Variants in CYP1A2 observed in about 807,000 individuals in gnomAD.
CYP1A2 encodes the protein cytochrome P450 1A2.
In CYP1A2, 35 loss-of-function variants were observed where a neutral mutation model predicts 34.7. That is an observed-to-expected ratio of 1.01 (90% CI 0.77 to 1.34). CYP1A2 has a LOEUF of 1.34. Among genes scored for constraint, CYP1A2 ranks in the 40% most tolerant of loss-of-function variants. The pLI is 0.00. For synonymous variants in CYP1A2, 288 were observed against 281.9 expected (o/e 1.02, Z -0.22); for missense variants, 675 against 675.8 (o/e 1.00, Z 0.01).
rs1298989086 is a variant in CYP1A2, at chr15:74,750,387, CT to C, written c.650del (p.Leu217ProfsTer4). ...QHFPESSDEM[L>X]SLVKNTHEFV... ...CTTCCCTGAGAGTAGCGATGAGATG[CT>C]CAGCCTCGTGAAGAACACTCATGAG... On this transcript the variant is annotated frameshift_variant, in exon 2 of 7. Transcript: ENST00000343932. LOFTEE classifies it high-confidence loss of function. 1.2e-6 allele frequency: 2 copies of C among 1,614,068 alleles called. No individual in the cohort carries two copies. Among genetic ancestry groups the C allele is most frequent in the African/African-American group, 2.7e-5 (2 of 74,918 alleles).
intron 5 of CYP1A2, among the ~76,000 whole-genome samples, chr15:74,752,870 CTTTTTTTTTTTTT>C (rs4646426): frequency 2.1e-5 from 2 of 96,200 alleles, no homozygotes; most frequent in East Asian, 2.7e-4. Context: ...CTGCCTGCTG[CTTTTTTTTTTTTT>C]TTTTTTTTTT....
intron 1 of CYP1A2, 72 bp from the exon 2 acceptor site, chr15:74,749,658 A>G: frequency 1.6e-6 from 2 of 1,281,300 alleles, no homozygotes; most frequent in East Asian, 2.3e-5. Flanking sequence ...TGTTTATCAA[A>G]TGACTGAGGA....
intron 2 of CYP1A2, 57 bp downstream of exon 2, chr15:74,750,626 C>T: frequency 4.2e-6 from 6 of 1,427,698 alleles, no homozygotes; most frequent in South Asian, 1.2e-5. Flanking sequence ...TGCAGCCCCT[C>T]CCTCCCAGCT....
chr15:74,752,358 C>T, intron 5 of CYP1A2, 111 bp downstream of exon 5: 1 of 1,469,736 alleles, frequency 6.8e-7, no homozygotes, highest in South Asian at 1.3e-5. Context: ...CCTCGTTCCC[C>T]ACAGATCCCG....
chr15:74,753,134 T>A, intron 5 of CYP1A2, 50 bp from the exon 6 acceptor site: 1 of 1,503,268 alleles, frequency 6.7e-7, no homozygotes, highest in East Asian at 2.3e-5. Flanking sequence ...GAGCAACACA[T>A]GCCCCAGCTT....
At position 74,755,111 on chromosome 15, in the gene CYP1A2, C is replaced by T. The variant is rs757494146; in HGVS notation, c.*23C>T. 1 of 1,588,900 alleles carries T rather than the reference C, an allele frequency of 6.3e-7. No homozygotes were observed. Among genetic ancestry groups the T allele is most frequent in the Admixed American group, 1.7e-5 (1 of 59,652 alleles). On this transcript the variant is annotated 3_prime_UTR_variant, in exon 7 of 7. Coordinates refer to ENST00000343932, the MANE Select transcript of CYP1A2 (RefSeq NM_000761.5). ...TGAAGAAGACACCACCATTCTGAGG[C>T]CAGGGAGCGAGTGGGGGCCAGCCAC...
In CYP1A2 at chr15:74,751,866, C is replaced by T. The variant is rs777740265; in HGVS notation, c.1042+12C>T. On this transcript the variant is annotated intron_variant, in intron 4 of 6. Transcript: ENST00000343932. The stretch of plus-strand genomic sequence containing the variant: ...CCAGAAGGAGCTGGGTACATGGGGG[C>T]CCCCAACCCTATAGCCAGGAGAAGC... 9.9e-6 allele frequency: 16 copies of T among 1,611,940 alleles called. No homozygotes were observed. Among genetic ancestry groups the T allele is most frequent in the South Asian group, 4.4e-5 (4 of 90,824 alleles).
At chr15:74,752,018 T>C in intron 4 of CYP1A2, 106 bp from the exon 5 acceptor site, 3 of 1,562,644 alleles carry the variant, frequency 1.9e-6, no homozygotes, top group Non-Finnish European at 2.6e-6. Flanking sequence ...GTCGCAGACT[T>C]GTGAATAGAC....
At chr15:74,754,149 C>T (rs2063328083) in intron 6 of CYP1A2, among the ~76,000 whole-genome samples, 1 of 152,124 alleles carries the variant, frequency 6.6e-6, no homozygotes, top group South Asian at 2.1e-4. Context: ...AGGGATCTTC[C>T]TGCCTCAGCC....
At chr15:74,749,699 C>T in intron 1 of CYP1A2, 31 bp from the exon 2 acceptor site, 1 of 1,480,002 alleles carries the variant, frequency 6.8e-7, no homozygotes, top group Non-Finnish European at 9.1e-7. Flanking sequence ...CATCTCAACC[C>T]TCAGCCTGGT....
At chr15:74,751,139 C>T in intron 2 of CYP1A2, 50 bp from the exon 3 acceptor site, 3 of 1,608,800 alleles carry the variant, frequency 1.9e-6, no homozygotes, top group Non-Finnish European at 2.5e-6. Context: ...CAACGTTCAG[C>T]CTTTGACCTT....
chr15:74,751,208 C>T lies in CYP1A2; in HGVS notation c.851C>T (p.Thr284Met), dbSNP rs368776150. 12 of 1,613,964 alleles carry T rather than the reference C, an allele frequency of 7.4e-6. No homozygotes were observed. The highest frequency in any genetic ancestry group is 1.6e-4 in the Middle Eastern group (1 of 6,084). The change falls in exon 3 of 7, where the codon ACG (threonine) becomes ATG (methionine). Residue 284 changes from threonine (T) to methionine (M), a missense_variant. Thr to Met is a moderately conservative substitution (Grantham distance 81). Coordinates refer to ENST00000343932, the MANE Select transcript of CYP1A2 (RefSeq NM_000761.5). ...CCTCAGAACAGTGTCCGGGACATCA[C>T]GGGTGCCCTGTTCAAGCACAGCAAG... ...DFDKNSVRDI[T>M]GALFKHSKKG...
chr15:74,753,785 C>A (rs1460362801), intron 6 of CYP1A2, among the ~76,000 whole-genome samples: 1 of 151,984 alleles, frequency 6.6e-6, no homozygotes. Flanking sequence ...TGATGGTTCC[C>A]CCAGGATTCT....
chr15:74,750,074 C>T lies in CYP1A2; in HGVS notation c.336C>T (p.Tyr112=), dbSNP rs758370714. 1.9e-6 allele frequency: 3 copies of T among 1,614,080 alleles called. No individual in the cohort carries two copies. Among genetic ancestry groups the T allele is most frequent in the Non-Finnish European group, 1.7e-6 (2 of 1,180,038 alleles). ...GDDFKGRPDL[Y]TSTLITDGQS... ...ATTTCAAGGGCCGGCCTGACCTCTA[C>T]ACCTCCACCCTCATCACTGATGGCC... The change falls in exon 2 of 7, where the codon TAC becomes TAT. Residue 112 remains tyrosine (Y), a synonymous_variant. Coordinates refer to ENST00000343932, the MANE Select transcript of CYP1A2 (RefSeq NM_000761.5).
rs2063331871 is a variant in CYP1A2, at chr15:74,755,007, C to CCTGA, written c.1472_1475dup (p.Pro493AspfsTer14). ...GCGTGCCGCCGGGCGTGAAAGTCGA[C>CCTGA]CTGACCCCCATCTACGGGCTGACCA... On this transcript the variant is annotated frameshift_variant, in exon 7 of 7. Coordinates refer to ENST00000343932, the MANE Select transcript of CYP1A2 (RefSeq NM_000761.5). LOFTEE classifies it low-confidence loss of function (END_TRUNC). 1 of 1,614,236 alleles carries CCTGA rather than the reference C, an allele frequency of 6.2e-7. No individual in the cohort carries two copies. Among genetic ancestry groups the CCTGA allele is most frequent in the Non-Finnish European group, 8.5e-7 (1 of 1,180,046 alleles).
rs1013749095 is a variant in CYP1A2 at position 74,753,370 on chromosome 15, C to G, written c.1253+100C>G. 4 of 920,092 alleles carry G rather than the reference C, an allele frequency of 4.3e-6. No homozygotes were observed. In the African/African-American group the frequency reaches 6.6e-5, roughly 15 times the overall value. The allele number at this position is 920,092 out of a possible 1,614,324, so 57.0% of individuals were successfully genotyped here. On this transcript the variant is annotated intron_variant, in intron 6 of 6. Coordinates refer to ENST00000343932, the MANE Select transcript of CYP1A2 (RefSeq NM_000761.5). ...TGTTTATATAATGAAAGGAGGGGAC[C>G]TCAATTGCTATAGTCTGCTCTAAGT...
In CYP1A2 at chr15:74,755,066, G is replaced by T. The variant is rs374094758; in HGVS notation, c.1529G>T (p.Arg510Leu). The T allele has an allele frequency of 5.6e-6, 9 of 1,609,312 alleles. No individual in the cohort carries two copies. Among genetic ancestry groups the T allele is most frequent in the African/African-American group, 2.7e-5 (2 of 74,888 alleles). Residue 510 changes from arginine to leucine, a missense_variant, in exon 7 of 7, where the codon CGG becomes CTG. By Grantham distance (102) the Arg-to-Leu change is moderately radical (BLOSUM62 -2). Coordinates refer to ENST00000343932, the MANE Select transcript of CYP1A2 (RefSeq NM_000761.5). Reference protein sequence around the residue: ...KHARCEHVQARLRFSIN With the variant: ...KHARCEHVQALLRFSIN ...GCCCGCTGTGAACATGTCCAGGCGC[G>T]GCTGCGCTTCTCCATCAATTGAAGA...
At position 74,755,005 on chromosome 15, in the gene CYP1A2, G is replaced by A. The variant is rs763531887; in HGVS notation, c.1468G>A (p.Asp490Asn). 24 of 1,614,190 alleles carry A rather than the reference G, an allele frequency of 1.5e-5. No homozygotes were observed. The highest frequency in any genetic ancestry group is 4.5e-5 in the East Asian group (2 of 44,882). Residue 490 changes from aspartate to asparagine, a missense_variant, in exon 7 of 7, where the codon GAC becomes AAC. Transcript: ENST00000343932. ...EFSVPPGVKV[D>N]LTPIYGLTMK... ...CAGCGTGCCGCCGGGCGTGAAAGTC[G>A]ACCTGACCCCCATCTACGGGCTGAC... is the stretch of plus-strand genomic sequence containing the variant.
chr15:74,756,546 T>C lies in CYP1A2; in HGVS notation c.*1458T>C, dbSNP rs2063338828. Among the ~76,000 whole-genome samples, 1 of 152,216 alleles carries C rather than the reference T, an allele frequency of 6.6e-6. No individual in the cohort carries two copies. The highest frequency in any genetic ancestry group is 6.5e-5 in the Admixed American group (1 of 15,280). On this transcript the variant is annotated 3_prime_UTR_variant, in exon 7 of 7. Coordinates refer to ENST00000343932, the MANE Select transcript of CYP1A2 (RefSeq NM_000761.5). ...CCCTGGCAACTGCTAATCTACTTTC[T>C]GTGTCTATGGATTTGCCTTCTCTAA...
Sources: gnomAD v4.1 joint callset for allele counts (sites outside exome capture counted in the v4.1 genomes callset) on GRCh38, gnomAD v4.1.1 for gene constraint, MANE v1.5 for transcripts, NCBI Gene and HGNC (gene_info 2026-07-23, HGNC 2026-07-21) for gene names.